Variants in KLHDC1 observed in about 807,000 individuals in gnomAD.
KLHDC1 encodes kelch domain containing 1.
A neutral mutation model predicts 68.3 loss-of-function variants in KLHDC1; 53 were observed. That is an observed-to-expected ratio of 0.78 (90% CI 0.62 to 0.98). The LOEUF (loss-of-function observed/expected upper bound fraction) is 0.98. KLHDC1 is among the 50% of genes least tolerant of loss of function. The pLI is 0.00. For missense variants in KLHDC1, 470 were observed against 492.3 expected, an observed-to-expected ratio of 0.95 and a Z score of 0.43; for synonymous variants, 148 against 159.0, an observed-to-expected ratio of 0.93 and a Z score of 0.52.
intron 1 of KLHDC1, among the ~76,000 whole-genome samples, chr14:49,701,361 C>G (rs1399671574): frequency 2.0e-5 from 3 of 151,934 alleles, no homozygotes; most frequent in Admixed American, 6.6e-5. Context: ...GATCAGACTT[C>G]TAAAAAACTG....
chr14:49,731,477 A>AT (rs543073163), intron 8 of KLHDC1, among the ~76,000 whole-genome samples: 55 of 151,080 alleles, frequency 3.6e-4, no homozygotes, highest in African/African-American at 1.3e-3. Flanking sequence ...TTATTTATTT[A>AT]TTTTTTTTGG....
Position 49,736,944 on chromosome 14 carries a change from A to G in KLHDC1, c.896+2283A>G, listed in dbSNP as rs551627317. 9.2e-5 allele frequency among the ~76,000 whole-genome samples: 14 copies of G among 152,342 alleles called. No homozygotes were observed. In the South Asian group the frequency reaches 2.7e-3, roughly 29 times the overall value. On this transcript the variant is annotated intron_variant, in intron 10 of 12. Transcript: ENST00000359332. ...TCTGAGTCTCACCTTAGATAAACCT[A>G]TGGCTGAAAAGCCATATATGTAGCC...
intron 1 of KLHDC1, among the ~76,000 whole-genome samples, chr14:49,703,016 C>A (rs1238045680): frequency 6.6e-6 from 1 of 152,088 alleles, no homozygotes; most frequent in Non-Finnish European, 1.5e-5. Context: ...CCTGATGATT[C>A]TGTGAGCTAC....
At chr14:49,728,685 G>A (rs1039625898) in intron 6 of KLHDC1, among the ~76,000 whole-genome samples, 4 of 152,152 alleles carry the variant, frequency 2.6e-5, no homozygotes, top group Non-Finnish European at 5.9e-5. Context: ...GCTAAATAGT[G>A]TCAGACATAT....
chr14:49,724,952 G>A (rs528917876), intron 5 of KLHDC1, among the ~76,000 whole-genome samples: 84 of 150,972 alleles, frequency 5.6e-4, no homozygotes, highest in Non-Finnish European at 9.9e-4. Flanking sequence ...GACCAGCCTG[G>A]GTAACATGGC....
chr14:49,726,202 C>G (rs1305195501), intron 6 of KLHDC1, among the ~76,000 whole-genome samples: 1 of 152,174 alleles, frequency 6.6e-6, no homozygotes, highest in African/African-American at 2.4e-5. Context: ...AAGTAGTTCT[C>G]TTGAGTACTT....
intron 4 of KLHDC1, among the ~76,000 whole-genome samples, chr14:49,722,118 G>T (rs2139750735): frequency 6.6e-6 from 1 of 152,234 alleles, no homozygotes; most frequent in East Asian, 1.9e-4. Flanking sequence ...CTATGGCTGG[G>T]TTTCCTTTTT....
In KLHDC1 at chr14:49,723,953, G is replaced by C. The variant is rs1326365143; in HGVS notation, c.483+1G>C. On this transcript the variant is annotated splice_donor_variant, in intron 5 of 12. Transcript: ENST00000359332. LOFTEE classifies it high-confidence loss of function. The stretch of plus-strand genomic sequence containing the variant: ...TTTTGATGTTCATGATGCATCTTGG[G>C]TAAGATAGTAATCACTGTTTACATT... 3 of 1,563,512 alleles carry C rather than the reference G, an allele frequency of 1.9e-6. No individual in the cohort carries two copies. Among genetic ancestry groups the C allele is most frequent in the Non-Finnish European group, 2.6e-6 (3 of 1,138,442 alleles).
Position 49,751,608 on chromosome 14 carries a change from A to G in KLHDC1, c.1057A>G (p.Lys353Glu). 1 of 1,570,092 alleles carries G rather than the reference A, an allele frequency of 6.4e-7. No homozygotes were observed. Among genetic ancestry groups the G allele is most frequent in the Non-Finnish European group, 8.7e-7 (1 of 1,155,378 alleles). ...LLRSCLDCIG[K>E]NSIMLESQIS... ...CAGGTCATGCCTTGACTGCATTGGT[A>G]AAAATTCTATCATGTTAGAAAGTCA... The change falls in exon 13 of 13, where the codon AAA becomes GAA. Residue 353 changes from lysine to glutamate, a missense_variant. Transcript: ENST00000359332.
intron 1 of KLHDC1, chr14:49,700,251 T>C (rs576283801): frequency 1.3e-4 from 23 of 174,722 alleles, no homozygotes; most frequent in Non-Finnish European, 2.2e-4. Context: ...GGTCTCGAAC[T>C]CCTGACCTCA....
chr14:49,694,993 T>C (rs969123402), intron 1 of KLHDC1, among the ~76,000 whole-genome samples: 3 of 152,328 alleles, frequency 2.0e-5, no homozygotes, highest in South Asian at 2.1e-4. Context: ...TACTGACTGA[T>C]TAGGGTGGTT....
chr14:49,724,858 T>C (rs1888625750), intron 5 of KLHDC1, among the ~76,000 whole-genome samples: 1 of 149,780 alleles, frequency 6.7e-6, no homozygotes, highest in Non-Finnish European at 1.5e-5. Flanking sequence ...AGACTCTAAA[T>C]GAGCTGGGTG....
In KLHDC1 at chr14:49,751,990, A is replaced by G. The variant is rs1256705140; in HGVS notation, c.*218A>G. 3.7e-6 allele frequency: 1 copy of G among 272,512 alleles called. No individual in the cohort carries two copies. Among genetic ancestry groups the G allele is most frequent in the Non-Finnish European group, 6.9e-6 (1 of 144,820 alleles). 16.9% of individuals were successfully genotyped at this position (272,512 alleles called of 1,614,324 possible). A position where few individuals can be genotyped will look rare whatever the true frequency, so the allele number is the denominator to read the frequency against. ...AAATTTCCTTACAAACTGCAGAACA[A>G]ATATTCTTTCTGAAAGTAAGTACAG... On this transcript the variant is annotated 3_prime_UTR_variant, in exon 13 of 13. Coordinates refer to ENST00000359332, the MANE Select transcript of KLHDC1 (RefSeq NM_172193.3).
intron 12 of KLHDC1, among the ~76,000 whole-genome samples, chr14:49,746,955 T>C (rs1889213067): frequency 6.6e-6 from 1 of 150,822 alleles, no homozygotes; most frequent in Admixed American, 6.6e-5. Context: ...TCTCTCTTTT[T>C]TTTTTTTTTT....
chr14:49,743,750 TA>T lies in KLHDC1; in HGVS notation c.982-2del. 6.3e-7 allele frequency: 1 copy of T among 1,578,044 alleles called. No individual in the cohort carries two copies. Among genetic ancestry groups the T allele is most frequent in the South Asian group, 1.1e-5 (1 of 87,570 alleles). ...TTAATAATGCCTTTTTTGTGTTGAT[TA>T]GGGTCACTGTAATGATTTATTGATC... is the stretch of plus-strand genomic sequence containing the variant. On this transcript the variant is annotated splice_acceptor_variant, in intron 11 of 12. Coordinates refer to ENST00000359332, the MANE Select transcript of KLHDC1 (RefSeq NM_172193.3). LOFTEE classifies it high-confidence loss of function.
At chr14:49,705,638 G>A (rs973395825) in intron 1 of KLHDC1, among the ~76,000 whole-genome samples, 2 of 151,862 alleles carry the variant, frequency 1.3e-5, no homozygotes, top group African/African-American at 2.4e-5. Context: ...CAAAGTGCTA[G>A]GATTACAGGT....
chr14:49,728,295 C>G (rs890702387), intron 6 of KLHDC1, among the ~76,000 whole-genome samples: 1 of 152,200 alleles, frequency 6.6e-6, no homozygotes, highest in Non-Finnish European at 1.5e-5. Context: ...TGCACTCAAG[C>G]CTTGGCAACA....
intron 4 of KLHDC1, among the ~76,000 whole-genome samples, chr14:49,713,735 TC>T (rs1888269814): frequency 1.4e-5 from 2 of 139,866 alleles, no homozygotes; most frequent in African/African-American, 5.3e-5. Context: ...AAAAGACAAA[TC>T]GTTAACCAGG....
intron 1 of KLHDC1, 129 bp downstream of exon 1, chr14:49,693,419 C>G (rs375771096): frequency 5.9e-6 from 3 of 507,068 alleles, no homozygotes; most frequent in Non-Finnish European, 9.2e-6. Flanking sequence ...TGCAGCCCCC[C>G]AGCCCCTCCG....
Sources: gnomAD v4.1 joint callset for allele counts (sites outside exome capture counted in the v4.1 genomes callset) on GRCh38, gnomAD v4.1.1 for gene constraint, MANE v1.5 for transcripts, NCBI Gene and HGNC (gene_info 2026-07-23, HGNC 2026-07-21) for gene names.